The following MADD variants were observed in gnomAD, a reference collection of about 807,000 sequenced individuals.
MADD encodes MAP kinase activating death domain, also known as MAP kinase-activating death domain protein.
Under a neutral mutation model 176.7 loss-of-function variants are expected in MADD, and 109 were observed. That is an observed-to-expected ratio of 0.62 (90% CI 0.53 to 0.72). The LOEUF (loss-of-function observed/expected upper bound fraction) is 0.72. Among genes scored for constraint, MADD ranks in the 30% least tolerant of loss-of-function variants. The pLI is 0.00. For synonymous variants in MADD, 771 were observed against 771.3 expected, an observed-to-expected ratio of 1.00 and a Z score of 0.01; for missense variants, 1,914 against 2,045.5, an observed-to-expected ratio of 0.94 and a Z score of 1.24.
At chr11:47,295,646 ACTTTCT>A (rs2070823443) in intron 21 of MADD, 67 bp downstream of exon 23, 11 of 1,607,056 alleles carry the variant, frequency 6.8e-6, no homozygotes, top group Non-Finnish European at 9.4e-6. Flanking sequence ...AAAGGGTGCT[ACTTTCT>A]CTTTGGAGGC....
Position 47,290,685 on chromosome 11 carries a change from G to GT in MADD, c.3170_3171insT (p.Asp1059GlyfsTer26). The GT allele has an allele frequency of 6.2e-7, 1 of 1,614,076 alleles. No homozygotes were observed. Among genetic ancestry groups the GT allele is most frequent in the Non-Finnish European group, 8.5e-7 (1 of 1,179,960 alleles). On this transcript the variant is annotated frameshift_variant, in exon 19 of 33. Coordinates refer to ENST00000402192, the Ensembl canonical transcript of MADD. LOFTEE classifies it high-confidence loss of function. Reference sequence around the variant, plus strand: ...GGCAAGGATCCTGGCCTAGCTGGGCGGGGGGACCCAAAGGCTATGGCACAA... The same window carrying GT: ...GGCAAGGATCCTGGCCTAGCTGGGCGTGGGGGACCCAAAGGCTATGGCACAA...
exon 21 of MADD, chr11:47,295,525 G>T (rs1362963845): frequency 6.2e-7 from 1 of 1,614,112 alleles, no homozygotes; most frequent in Non-Finnish European, 8.5e-7. Flanking sequence ...TCATCGGCGT[G>T]AGTCCAGCTG....
chr11:47,277,110 G>A (rs144240598), intron 5 of MADD, among the ~76,000 whole-genome samples: 23 of 152,298 alleles, frequency 1.5e-4, no homozygotes, highest in African/African-American at 4.6e-4. Context: ...CGTGTGTTAC[G>A]TAATACAGTA....
intron 22 of MADD, among the ~76,000 whole-genome samples, chr11:47,297,703 A>G (rs1419024836): frequency 6.7e-6 from 1 of 148,886 alleles, no homozygotes; most frequent in Non-Finnish European, 1.5e-5. Flanking sequence ...GCCTTGGCCT[A>G]CCAAAGTGCT....
At chr11:47,282,292 G>A (rs1592174739) in intron 8 of MADD, 89 bp from the exon 9 acceptor site, 13 of 1,002,628 alleles carry the variant, frequency 1.3e-5, no homozygotes, top group South Asian at 1.2e-4. Context: ...AGCCTGTTAA[G>A]TGATGGCTTT....
intron 28 of MADD, 176 bp downstream of exon 31, chr11:47,324,011 AC>A: frequency 1.4e-6 from 1 of 697,798 alleles, no homozygotes; most frequent in South Asian, 1.9e-5. Context: ...AATAGTAGTC[AC>A]AATCGGTATT....
In MADD at chr11:47,275,910, G is replaced by A; in HGVS notation, c.671G>A (p.Trp224Ter). The A allele has an allele frequency of 6.2e-7, 1 of 1,608,152 alleles. No homozygotes were observed. Among genetic ancestry groups the A allele is most frequent in the Non-Finnish European group, 8.5e-7 (1 of 1,175,102 alleles). ...TGTCTGCTTCTCAGGGACACCATGT[G>A]GCGGATCTTTACTGGATCGCTGCTG... The change falls in exon 4 of 33, where the codon TGG becomes TAG. Residue 224 changes from tryptophan (W) to a stop codon, truncating the protein, a stop_gained. Transcript: ENST00000402192. LOFTEE classifies it high-confidence loss of function.
At chr11:47,309,903 G>A (rs917548594) in intron 25 of MADD, among the ~76,000 whole-genome samples, 4 of 149,074 alleles carry the variant, frequency 2.7e-5, no homozygotes, top group Admixed American at 2.0e-4. Flanking sequence ...GTGCAGTGGC[G>A]CAATCTCAGC....
rs531869176 is a variant in MADD at position 47,273,442 on chromosome 11, G to A, written c.-88-385G>A. On this transcript the variant is annotated intron_variant, in intron 1 of 32. Coordinates refer to ENST00000402192, the Ensembl canonical transcript of MADD. ...CAGCCTCCACCTCCTGGGTTCAAGC[G>A]ATTCTCATGCCTCAGACTCCCGAGT... Among the ~76,000 whole-genome samples, 34 of 152,176 alleles carry A rather than the reference G, an allele frequency of 2.2e-4. No homozygotes were observed. In the South Asian group the frequency reaches 6.8e-3, roughly 31 times the overall value.
intron 32 of MADD, 55 bp downstream of exon 36, chr11:47,328,759 C>A (rs2095745975): frequency 1.2e-6 from 2 of 1,609,918 alleles, no homozygotes; most frequent in Non-Finnish European, 1.7e-6. Flanking sequence ...CCCTGGGGGA[C>A]CTTCGGACAG....
intron 27 of MADD, among the ~76,000 whole-genome samples, chr11:47,322,820 C>T (rs1451449997): frequency 1.3e-5 from 2 of 152,126 alleles, no homozygotes; most frequent in Non-Finnish European, 2.9e-5. Flanking sequence ...CCATTTTTCT[C>T]CTTGGTTAAG....
intron 27 of MADD, among the ~76,000 whole-genome samples, chr11:47,316,740 T>G (rs2093149297): frequency 6.6e-6 from 1 of 151,732 alleles, no homozygotes; most frequent in Non-Finnish European, 1.5e-5. Flanking sequence ...ATTCTTATTT[T>G]CCTCCTTTCT....
chr11:47,322,144 AT>A (rs2094559897), intron 27 of MADD, among the ~76,000 whole-genome samples: 1 of 152,172 alleles, frequency 6.6e-6, no homozygotes, highest in Admixed American at 6.5e-5. Context: ...GTAGGAAGTT[AT>A]TACTGTTACT....
chr11:47,273,261 T>G (rs2046460400), intron 1 of MADD, among the ~76,000 whole-genome samples: 1 of 152,230 alleles, frequency 6.6e-6, no homozygotes, highest in South Asian at 2.1e-4. Flanking sequence ...AGGTCTGTTT[T>G]TCAGAAACAG....
At chr11:47,293,095 T>C (rs943075365) in intron 19 of MADD, among the ~76,000 whole-genome samples, 1 of 152,098 alleles carries the variant, frequency 6.6e-6, no homozygotes, top group African/African-American at 2.4e-5. Flanking sequence ...ATCTCAAACA[T>C]AGAAGTTGTA....
exon 30 of MADD, chr11:47,324,538 G>A (rs752698504): frequency 6.2e-7 from 1 of 1,614,014 alleles, no homozygotes; most frequent in Non-Finnish European, 8.5e-7. Flanking sequence ...TGCTGCAGGT[G>A]ACCCTGGAAG....
intron 27 of MADD, among the ~76,000 whole-genome samples, chr11:47,318,997 G>A (rs550053261): frequency 3.3e-4 from 50 of 150,416 alleles, no homozygotes; most frequent in African/African-American, 1.1e-3. Context: ...TAGTAGAGAC[G>A]GGGTTTCACC....
chr11:47,282,238 G>T, intron 8 of MADD, 143 bp from the exon 9 acceptor site: 1 of 641,384 alleles, frequency 1.6e-6, no homozygotes, highest in South Asian at 1.9e-5. Flanking sequence ...AGGATGAAGA[G>T]GGGGCTGATG....
intron 27 of MADD, among the ~76,000 whole-genome samples, chr11:47,318,186 T>C (rs575931755): frequency 1.3e-5 from 2 of 152,222 alleles, no homozygotes; most frequent in Non-Finnish European, 2.9e-5. Flanking sequence ...GTTTTCTTCA[T>C]TTCTGTGTTT....
Sources: gnomAD v4.1 joint callset for allele counts (sites outside exome capture counted in the v4.1 genomes callset) on GRCh38, gnomAD v4.1.1 for gene constraint, MANE v1.5 for transcripts, NCBI Gene and HGNC (gene_info 2026-07-23, HGNC 2026-07-21) for gene names.